ARIH1: variants seen among roughly 807,000 people sequenced by gnomAD.
ARIH1 encodes the protein E3 ubiquitin-protein ligase ARIH1.
A neutral mutation model predicts 85.0 loss-of-function variants in ARIH1; 8 were observed. The ratio of observed to expected loss-of-function variants is 0.09; its 90% CI spans 0.06 to 0.17. The LOEUF (loss-of-function observed/expected upper bound fraction) is 0.17. Among genes scored for constraint, ARIH1 ranks in the 10% least tolerant of loss-of-function variants. The pLI, the probability that ARIH1 is intolerant of heterozygous loss-of-function variation, is 1.00. For missense variants in ARIH1, 311 were observed against 718.1 expected, an observed-to-expected ratio of 0.43 and a Z score of 6.48; for synonymous variants, 238 against 253.6, an observed-to-expected ratio of 0.94 and a Z score of 0.59.
intron 1 of ARIH1, among the ~76,000 whole-genome samples, chr15:72,484,377 T>C (rs2063828687): frequency 6.6e-6 from 1 of 152,018 alleles, no homozygotes; most frequent in African/African-American, 2.4e-5. Flanking sequence ...CTGAGCAATA[T>C]ACACTGAACC....
chr15:72,582,315 T>G lies in ARIH1; in HGVS notation c.1589+128T>G. The G allele has an allele frequency of 1.6e-6, 1 of 638,796 alleles. No individual in the cohort carries two copies. The allele number at this position is 638,796 out of a possible 1,614,324, so 39.6% of individuals were successfully genotyped here. A position where few individuals can be genotyped will look rare whatever the true frequency, so the allele number is the denominator to read the frequency against. On this transcript the variant is annotated intron_variant, in intron 13 of 13. Transcript: ENST00000379887. The surrounding 1 kb of genome is among the most constrained non-coding windows in gnomAD (Gnocchi z 4.6). Reference sequence around the variant, plus strand: ...AGCTTTTGCCATGTTTCTCACAGATTGCTTCTGTCCGTTGGGCACTAAATT... The same window carrying G: ...AGCTTTTGCCATGTTTCTCACAGATGGCTTCTGTCCGTTGGGCACTAAATT...
Position 72,583,663 on chromosome 15 carries a change from GC to G in ARIH1, c.*373del, listed in dbSNP as rs1181069715. ...GACACTGCTTTTCATGTTCAAACCAGCCATTTTGTTGTACTTTGGTAAAGGA... is the reference window on the plus strand; with the variant it reads ...GACACTGCTTTTCATGTTCAAACCAGCATTTTGTTGTACTTTGGTAAAGGA... On this transcript the variant is annotated 3_prime_UTR_variant, in exon 14 of 14. Transcript: ENST00000379887. The G allele has an allele frequency of 6.0e-6, 1 of 167,432 alleles. No individual in the cohort carries two copies. Among genetic ancestry groups the G allele is most frequent in the African/African-American group, 2.4e-5 (1 of 41,778 alleles). The allele number at this position is 167,432 out of a possible 1,614,324, so 10.4% of individuals were successfully genotyped here.
At chr15:72,513,605 C>T (rs1439769028) in intron 1 of ARIH1, among the ~76,000 whole-genome samples, 2 of 151,718 alleles carry the variant, frequency 1.3e-5, no homozygotes, top group Non-Finnish European at 2.9e-5. Flanking sequence ...TCCAAGTTTA[C>T]CCCCATATCA....
At chr15:72,526,255 T>C (rs543718084) in intron 2 of ARIH1, among the ~76,000 whole-genome samples, 5 of 152,294 alleles carry the variant, frequency 3.3e-5, no homozygotes, top group Admixed American at 2.6e-4. Flanking sequence ...TTTCTTTTTA[T>C]TTTATTCATT....
intron 7 of ARIH1, among the ~76,000 whole-genome samples, chr15:72,564,216 C>T (rs943623352): frequency 3.3e-5 from 5 of 152,274 alleles, no homozygotes; most frequent in African/African-American, 1.2e-4. Context: ...CAACACTTTG[C>T]TTAGTAATTT....
At chr15:72,580,540 A>G (rs1252712956) in intron 11 of ARIH1, 191 bp from the exon 12 acceptor site, 4 of 583,794 alleles carry the variant, frequency 6.9e-6, no homozygotes, top group Non-Finnish European at 1.2e-5. Flanking sequence ...ACTAATTTAC[A>G]TTCCCATCAA....
intron 11 of ARIH1, among the ~76,000 whole-genome samples, chr15:72,574,267 C>T (rs1567359823): frequency 6.6e-6 from 1 of 152,154 alleles, no homozygotes; most frequent in East Asian, 1.9e-4. Flanking sequence ...ATCTGTTGGA[C>T]TAAACTAGAA....
chr15:72,566,407 T>A, intron 7 of ARIH1, 156 bp from the exon 8 acceptor site: 1 of 655,944 alleles, frequency 1.5e-6, no homozygotes, highest in Non-Finnish European at 2.7e-6. Flanking sequence ...TCTAGGTAAT[T>A]AACTGTAAAG....
chr15:72,555,499 G>C (rs2140429271), intron 4 of ARIH1, 136 bp downstream of exon 4: 1 of 673,668 alleles, frequency 1.5e-6, no homozygotes, highest in Non-Finnish European at 2.5e-6. Flanking sequence ...AAGATAATAG[G>C]CTTTTTCCTA....
intron 1 of ARIH1, among the ~76,000 whole-genome samples, chr15:72,507,174 C>T (rs2063929824): frequency 6.6e-6 from 1 of 152,110 alleles, no homozygotes; most frequent in African/African-American, 2.4e-5. Context: ...AGGCGCACAC[C>T]ACCGTGCCCG....
chr15:72,495,445 T>C (rs12901966), intron 1 of ARIH1, among the ~76,000 whole-genome samples: 117,322 of 152,154 alleles, frequency 0.77, 51,413 homozygotes, highest in Non-Finnish European at 0.96. Flanking sequence ...TTTCTTCTTT[T>C]GGTCAAGGAT....
intron 1 of ARIH1, among the ~76,000 whole-genome samples, chr15:72,515,516 T>G (rs556474296): frequency 5.3e-5 from 8 of 152,318 alleles, no homozygotes; most frequent in Admixed American, 1.3e-4. Flanking sequence ...TCGCGGACAT[T>G]TTGAATATTG....
rs71134002 is a variant in ARIH1, at chr15:72,506,351, C to CAAAAA, written c.376-11706_376-11702dup. On this transcript the variant is annotated intron_variant, in intron 1 of 13. Transcript: ENST00000379887. ...GGCGACAGAGCAAGACTCCGTCTCACAAAAAAAAAAAAAAGAAAAAAAAAA... is the reference window on the plus strand; with the variant it reads ...GGCGACAGAGCAAGACTCCGTCTCACAAAAAAAAAAAAAAAAAAAGAAAAAAAAAA... Among the ~76,000 whole-genome samples the CAAAAA allele has an allele frequency of 2.4e-3, 172 of 73,086 alleles. 9 individuals carry two copies. The highest frequency in any genetic ancestry group is 5.3e-3 in the African/African-American group (103 of 19,336). The allele number at this position is 73,086 out of a possible 152,430, so 47.9% of individuals were successfully genotyped here. A position where few individuals can be genotyped will look rare whatever the true frequency, so the allele number is the denominator to read the frequency against.
intron 2 of ARIH1, among the ~76,000 whole-genome samples, chr15:72,541,937 A>C (rs556812272): frequency 9.2e-4 from 140 of 152,308 alleles, no homozygotes; most frequent in South Asian, 1.7e-3. Flanking sequence ...AATTCAAGGG[A>C]ACCTTATCTA....
chr15:72,565,991 T>C (rs1344668841), intron 7 of ARIH1, among the ~76,000 whole-genome samples: 4 of 152,246 alleles, frequency 2.6e-5, no homozygotes, highest in African/African-American at 7.2e-5. Context: ...CAAGTGTATA[T>C]GTCATGAACT....
chr15:72,581,332 T>G (rs1266632604), intron 12 of ARIH1: 4 of 205,380 alleles, frequency 1.9e-5, no homozygotes, highest in African/African-American at 2.3e-5. Flanking sequence ...TAGGTTGTTA[T>G]GAGGTTTAAG....
At chr15:72,565,548 GTA>G (rs1208445632) in intron 7 of ARIH1, among the ~76,000 whole-genome samples, 1 of 152,128 alleles carries the variant, frequency 6.6e-6, no homozygotes, top group Non-Finnish European at 1.5e-5. Context: ...CAGAGATTAA[GTA>G]TGTGTAAAAT....
intron 1 of ARIH1, among the ~76,000 whole-genome samples, chr15:72,485,607 GTT>G (rs2063834664): frequency 6.6e-6 from 1 of 151,824 alleles, no homozygotes; most frequent in Non-Finnish European, 1.5e-5. Context: ...ACCCTGAATG[GTT>G]TTGTTTTTTA....
At chr15:72,510,765 AAAAAAGAC>A (rs2063947258) in intron 1 of ARIH1, among the ~76,000 whole-genome samples, 2 of 144,826 alleles carry the variant, frequency 1.4e-5, no homozygotes, top group African/African-American at 5.3e-5. Context: ...AAAAAAAAAA[AAAAAAGAC>A]TTTTTCCCCG....
Sources: gnomAD v4.1 joint callset for allele counts (sites outside exome capture counted in the v4.1 genomes callset) on GRCh38, gnomAD v4.1.1 for gene constraint, Gnocchi (gnomAD v3.1) non-coding constraint, MANE v1.5 for transcripts, NCBI Gene and HGNC (gene_info 2026-07-23, HGNC 2026-07-21) for gene names.